The following SEMA3D variants were observed in gnomAD, a reference collection of about 807,000 sequenced individuals.
SEMA3D encodes semaphorin 3D, also known as semaphorin-3D.
A neutral mutation model predicts 100.1 loss-of-function variants in SEMA3D; 84 were observed. The observed-to-expected ratio is 0.84, with a 90% CI of 0.70 to 1.01. The LOEUF (loss-of-function observed/expected upper bound fraction) is 1.01. Ranked by LOEUF, SEMA3D falls within the 50% of genes least tolerant of loss-of-function variation. SEMA3D has a pLI of 0.00. For synonymous variants in SEMA3D, 312 were observed against 320.7 expected, an observed-to-expected ratio of 0.97 and a Z score of 0.29; for missense variants, 875 against 934.1, an observed-to-expected ratio of 0.94 and a Z score of 0.82.
intron 18 of SEMA3D, among the ~76,000 whole-genome samples, chr7:85,003,064 T>C (rs570402527): frequency 1.3e-5 from 2 of 152,184 alleles, no homozygotes; most frequent in South Asian, 2.1e-4. Context: ...AGAAAGCTCC[T>C]TGTGTGAGAA....
At chr7:85,126,738 G>A (rs1789582415) in intron 2 of SEMA3D, among the ~76,000 whole-genome samples, 1 of 152,000 alleles carries the variant, frequency 6.6e-6, no homozygotes, top group Non-Finnish European at 1.5e-5. Context: ...GCACAACAAA[G>A]AGGGATTATA....
chr7:85,022,439 G>C lies in SEMA3D; in HGVS notation c.1366C>G (p.His456Asp). ...DYRLTQIVVDHVIAEDGQYDV... is the reference protein window; with the variant it reads ...DYRLTQIVVDDVIAEDGQYDV... ...TACTGGCCATCTTCTGCAATGACAT[G>C]ATCCACCACTATCTGTGTCAGTCTG... The change falls in exon 13 of 19, where the codon CAT (histidine) becomes GAT (aspartate). Residue 456 changes from histidine to aspartate, a missense_variant. Coordinates refer to ENST00000284136, the MANE Select transcript of SEMA3D (RefSeq NM_001384900.1). 9.3e-6 allele frequency: 15 copies of C among 1,612,412 alleles called. No homozygotes were observed. The highest frequency in any genetic ancestry group is 1.1e-5 in the Non-Finnish European group (13 of 1,178,860).
Position 85,073,078 on chromosome 7 carries a change from C to G in SEMA3D, c.379G>C (p.Glu127Gln). The G allele has an allele frequency of 4.3e-6, 7 of 1,612,144 alleles. No individual in the cohort carries two copies. The highest frequency in any genetic ancestry group is 3.3e-4 in the Middle Eastern group (2 of 6,060). ...AGTACTCTGATGAAATTTGCACATT[C>G]TGTCTGTTGGGCACAAAAATTAAAA... Reference protein sequence around the residue: ...CKLAGKDANTECANFIRVLQP... With the variant: ...CKLAGKDANTQCANFIRVLQP... Residue 127 changes from glutamate to glutamine, a missense_variant, in exon 6 of 19, where the codon GAA becomes CAA. Coordinates refer to ENST00000284136, the MANE Select transcript of SEMA3D (RefSeq NM_001384900.1).
At chr7:85,065,710 T>C (rs1791599931) in intron 7 of SEMA3D, among the ~76,000 whole-genome samples, 158 bp from the exon 8 acceptor site, 1 of 152,224 alleles carries the variant, frequency 6.6e-6, no homozygotes, top group Non-Finnish European at 1.5e-5. Flanking sequence ...TTTATCTCAG[T>C]TGAAGAAAAG....
chr7:85,023,301 TTCAAA>T (rs1395051498), intron 12 of SEMA3D, among the ~76,000 whole-genome samples: 1 of 151,870 alleles, frequency 6.6e-6, no homozygotes, highest in African/African-American at 2.4e-5. Flanking sequence ...TTCAAAATGG[TTCAAA>T]TCAAATGAAT....
chr7:85,148,239 C>A (rs1790271521), intron 2 of SEMA3D, among the ~76,000 whole-genome samples: 2 of 152,172 alleles, frequency 1.3e-5, no homozygotes, highest in African/African-American at 4.8e-5. Context: ...TCCCTGAGAT[C>A]TGTGAGAATT....
intron 17 of SEMA3D, among the ~76,000 whole-genome samples, chr7:85,010,028 T>A (rs1789908740): frequency 6.6e-6 from 1 of 151,682 alleles, no homozygotes; most frequent in Non-Finnish European, 1.5e-5. Context: ...GTATTTTAGA[T>A]GAGATGATCA....
chr7:85,144,206 T>C (rs576402119), intron 2 of SEMA3D, among the ~76,000 whole-genome samples: 10 of 152,278 alleles, frequency 6.6e-5, no homozygotes, highest in East Asian at 1.9e-4. Context: ...TTTTTCTCTA[T>C]GTGGATGCTG....
chr7:85,012,468 T>C (rs1789981951), intron 17 of SEMA3D, among the ~76,000 whole-genome samples: 1 of 151,860 alleles, frequency 6.6e-6, no homozygotes, highest in Admixed American at 6.6e-5. Context: ...TTTTCTGTTA[T>C]ATCCTGTTTT....
chr7:85,099,624 A>G (rs1051907965), intron 3 of SEMA3D, among the ~76,000 whole-genome samples: 2 of 151,940 alleles, frequency 1.3e-5, no homozygotes, highest in African/African-American at 4.8e-5. Context: ...CAAAGTGTCT[A>G]TACCACTTTG....
chr7:85,083,833 C>T (rs1470167933), intron 4 of SEMA3D, among the ~76,000 whole-genome samples: 4 of 115,440 alleles, frequency 3.5e-5, no homozygotes, highest in Non-Finnish European at 5.3e-5. Flanking sequence ...GGCGACAGAG[C>T]GAGACTCCGT....
the SEMA3D span, among the ~76,000 whole-genome samples, chr7:85,221,213 A>T: frequency 6.6e-6 from 1 of 152,094 alleles, no homozygotes; most frequent in Non-Finnish European, 1.5e-5. Context: ...CAAGGGAGAG[A>T]GAATAAGGAA....
At chr7:85,096,801 C>T (rs1197726001) in intron 4 of SEMA3D, among the ~76,000 whole-genome samples, 2 of 151,778 alleles carry the variant, frequency 1.3e-5, no homozygotes, top group Non-Finnish European at 2.9e-5. Context: ...TATTAAATCT[C>T]ACAATTAGAG....
At chr7:85,227,533 C>T in the SEMA3D span, among the ~76,000 whole-genome samples, 3 of 152,060 alleles carry the variant, frequency 2.0e-5, no homozygotes, top group African/African-American at 7.2e-5. Flanking sequence ...TTCTCAGCAT[C>T]CAGAACTACA....
intron 3 of SEMA3D, among the ~76,000 whole-genome samples, chr7:85,120,219 G>A: frequency 6.6e-6 from 1 of 152,002 alleles, no homozygotes; most frequent in East Asian, 1.9e-4. Context: ...ATTTATACTG[G>A]CAAGGTTAAA....
chr7:85,028,395 A>AAAT (rs1790452140), intron 12 of SEMA3D: 1 of 495,758 alleles, frequency 2.0e-6, no homozygotes, highest in African/African-American at 2.0e-5. Flanking sequence ...AAAAAAAAAA[A>AAAT]AAAAAAAAGG....
At chr7:85,018,945 A>T (rs1207091040) in intron 14 of SEMA3D, among the ~76,000 whole-genome samples, 1 of 151,778 alleles carries the variant, frequency 6.6e-6, no homozygotes, top group Non-Finnish European at 1.5e-5. Flanking sequence ...TCTACTATTT[A>T]TTCATTTAGC....
the SEMA3D span, among the ~76,000 whole-genome samples, chr7:85,239,375 C>G: frequency 4.8e-4 from 73 of 152,280 alleles, no homozygotes; most frequent in African/African-American, 1.6e-3. Flanking sequence ...CGTGAGGAAA[C>G]AGTGGGGCAT....
At chr7:85,107,157 C>T (rs1388712295) in intron 3 of SEMA3D, among the ~76,000 whole-genome samples, 3 of 151,982 alleles carry the variant, frequency 2.0e-5, no homozygotes, top group Non-Finnish European at 4.4e-5. Context: ...GATCATTGCT[C>T]ATACTGGGCA....
Sources: allele counts gnomAD v4.1 joint callset (sites outside exome capture counted in the v4.1 genomes callset), GRCh38; gene constraint gnomAD v4.1.1; transcripts MANE v1.5; gene names NCBI Gene and HGNC (gene_info 2026-07-23, HGNC 2026-07-21).